ACOD1: variants seen among roughly 807,000 people sequenced by gnomAD.
ACOD1 encodes cis-aconitate decarboxylase.
ACOD1 carries 14 observed loss-of-function variants against 14.2 expected under a neutral mutation model. That is an observed-to-expected ratio of 0.99 (90% CI 0.65 to 1.54). ACOD1 has a LOEUF of 1.54. Among genes scored for constraint, ACOD1 ranks in the 40% most tolerant of loss-of-function variants. ACOD1 has a pLI of 0.00. For missense variants in ACOD1, 530 were observed against 586.3 expected (o/e 0.90, Z 0.99); for synonymous variants, 182 against 221.7 (o/e 0.82, Z 1.59).
In ACOD1 at chr13:76,955,937, C is replaced by A. The variant is rs545209379; in HGVS notation, c.470+413C>A. On this transcript the variant is annotated intron_variant, in intron 4 of 4. Coordinates refer to ENST00000377462, the MANE Select transcript of ACOD1 (RefSeq NM_001258406.2). ...CAAATGTCGGCCACATCATATGGCT[C>A]AGTCTCAGATTTATGTTGCCACTTG... 7.9e-5 allele frequency among the ~76,000 whole-genome samples: 12 copies of A among 152,170 alleles called. No homozygotes were observed. The South Asian group carries it at 2.5e-3, about 32-fold the overall frequency.
chr13:76,954,913 G>A (rs1326000438), intron 3 of ACOD1, among the ~76,000 whole-genome samples: 1 of 151,968 alleles, frequency 6.6e-6, no homozygotes, highest in Non-Finnish European at 1.5e-5. Flanking sequence ...CGGATAACGA[G>A]GTCAGGAGTT....
chr13:76,956,321 C>G (rs1388819263), intron 4 of ACOD1, among the ~76,000 whole-genome samples: 2 of 150,958 alleles, frequency 1.3e-5, no homozygotes, highest in African/African-American at 2.4e-5. Flanking sequence ...CCTGCCTCAG[C>G]CTCCCAAGTA....
intron 3 of ACOD1, 122 bp downstream of exon 3, chr13:76,953,811 A>T: frequency 1.5e-6 from 1 of 667,434 alleles, no homozygotes; most frequent in Admixed American, 2.2e-5. Context: ...AGTCAGACAG[A>T]TAAAGTGGCT....
intron 1 of ACOD1, among the ~76,000 whole-genome samples, chr13:76,948,952 G>GAACA (rs1317349320): frequency 5.9e-5 from 9 of 152,170 alleles, no homozygotes; most frequent in African/African-American, 1.9e-4. Context: ...TGAGAGCTTA[G>GAACA]AACAGTGCTG....
intron 1 of ACOD1, among the ~76,000 whole-genome samples, chr13:76,949,409 G>A (rs577878877): frequency 1.3e-5 from 2 of 152,262 alleles, no homozygotes; most frequent in African/African-American, 2.4e-5. Context: ...ATAGATGAAC[G>A]CAAGGACCAC....
intron 3 of ACOD1, 58 bp from the exon 4 acceptor site, chr13:76,955,261 C>A: frequency 7.4e-7 from 1 of 1,347,696 alleles, no homozygotes; most frequent in East Asian, 2.5e-5. Flanking sequence ...GGTCCAAAAG[C>A]CATTGCATTA....
At position 76,957,316 on chromosome 13, in the gene ACOD1, C is replaced by T. The variant is rs955093703; in HGVS notation, c.777C>T (p.Ser259=). 6 of 1,550,524 alleles carry T rather than the reference C, an allele frequency of 3.9e-6. No homozygotes were observed. In the Admixed American group the frequency reaches 1.2e-4, roughly 30 times the overall value. Reference sequence around the variant, plus strand: ...CAAAAGTCCTTCCAAGCATAGCTTCCTACAGTTGGCTGCTGGACCAGCAGG... The same window carrying T: ...CAAAAGTCCTTCCAAGCATAGCTTCTTACAGTTGGCTGCTGGACCAGCAGG... ...YSPKVLPSIA[S]YSWLLDQQDV... The change falls in exon 5 of 5, where the codon TCC becomes TCT. Residue 259 remains serine, a synonymous_variant. Transcript: ENST00000377462.
At chr13:76,954,394 T>A (rs1230085656) in intron 3 of ACOD1, among the ~76,000 whole-genome samples, 1 of 152,222 alleles carries the variant, frequency 6.6e-6, no homozygotes, top group Non-Finnish European at 1.5e-5. Context: ...AACTTCTGGA[T>A]ATTACTGTTT....
rs1010228326 is a variant in ACOD1, at chr13:76,956,566, G to A, written c.471-444G>A. 7.2e-5 allele frequency among the ~76,000 whole-genome samples: 11 copies of A among 151,858 alleles called. No individual in the cohort carries two copies. In the South Asian group the frequency reaches 1.9e-3, roughly 26 times the overall value. On this transcript the variant is annotated intron_variant, in intron 4 of 4. Coordinates refer to ENST00000377462, the MANE Select transcript of ACOD1 (RefSeq NM_001258406.2). ...CTCACTCTGTCACCTAGGCTGGAGT[G>A]CAGCAGCATGATCTCAGCTCACTGC... is the stretch of plus-strand genomic sequence containing the variant.
At chr13:76,951,646 A>G (rs943367636) in intron 1 of ACOD1, among the ~76,000 whole-genome samples, 1 of 152,138 alleles carries the variant, frequency 6.6e-6, no homozygotes, top group South Asian at 2.1e-4. Flanking sequence ...TTTTACTCTT[A>G]TGACACATCT....
chr13:76,955,578 A>G (rs2033867530), intron 4 of ACOD1, 54 bp downstream of exon 4: 9 of 1,453,954 alleles, frequency 6.2e-6, no homozygotes, highest in South Asian at 1.2e-5. Flanking sequence ...TCATCTATCA[A>G]TCATTATCTC....
At chr13:76,952,112 T>C (rs140191124) in intron 1 of ACOD1, among the ~76,000 whole-genome samples, 187 of 152,312 alleles carry the variant, frequency 1.2e-3, no homozygotes, top group African/African-American at 4.1e-3. Flanking sequence ...TGTCTCATAA[T>C]AGCAGCTGTG....
chr13:76,948,627 T>C (rs2033791921), intron 1 of ACOD1, 57 bp downstream of exon 1: 1 of 1,427,672 alleles, frequency 7.0e-7, no homozygotes, highest in Non-Finnish European at 9.6e-7. Flanking sequence ...ACTTCTTCCT[T>C]CCTCAATTTC....
At chr13:76,955,070 T>C (rs2033858918) in intron 3 of ACOD1, among the ~76,000 whole-genome samples, 1 of 135,638 alleles carries the variant, frequency 7.4e-6, no homozygotes, top group African/African-American at 2.9e-5. Flanking sequence ...GAGGTTGCAG[T>C]GAGCCAGGAT....
intron 1 of ACOD1, among the ~76,000 whole-genome samples, chr13:76,949,001 C>T (rs922716216): frequency 9.2e-5 from 14 of 152,170 alleles, no homozygotes; most frequent in Non-Finnish European, 1.9e-4. Context: ...CACAGTGGCT[C>T]AGGCCTGTAA....
chr13:76,957,483 A>G lies in ACOD1; in HGVS notation c.944A>G (p.Asn315Ser). 1.3e-6 allele frequency: 2 copies of G among 1,550,586 alleles called. No individual in the cohort carries two copies. Among genetic ancestry groups the G allele is most frequent in the African/African-American group, 2.7e-5 (2 of 73,150 alleles). Reference protein sequence around the residue: ...YIKRIVLRIPNVQYVNRPFPV... With the variant: ...YIKRIVLRIPSVQYVNRPFPV... ...AAGAGAATTGTGCTCAGGATACCAA[A>G]TGTCCAGTATGTAAACAGGCCCTTT... The change falls in exon 5 of 5, where the codon AAT becomes AGT. Residue 315 changes from asparagine (N) to serine (S), a missense_variant. By Grantham distance (46) the Asn-to-Ser change is conservative. Coordinates refer to ENST00000377462, the MANE Select transcript of ACOD1 (RefSeq NM_001258406.2).
chr13:76,955,175 TCA>T, intron 3 of ACOD1, 142 bp from the exon 4 acceptor site: 1 of 557,998 alleles, frequency 1.8e-6, no homozygotes, highest in Non-Finnish European at 3.1e-6. Flanking sequence ...CAGACATTTC[TCA>T]GATTTTCTTT....
Position 76,957,171 on chromosome 13 carries a change from T to C in ACOD1, c.632T>C (p.Ile211Thr), listed in dbSNP as rs2033885384. ...NAATQTKPLH[I>T]GNAAKHGIEA... ...GCCACCCAGACCAAGCCCCTCCACA[T>C]TGGCAATGCTGCCAAGCATGGGATA... is the stretch of plus-strand genomic sequence containing the variant. Residue 211 changes from isoleucine to threonine, a missense_variant, in exon 5 of 5, where the codon ATT becomes ACT. Ile to Thr is a moderately conservative substitution (Grantham distance 89). Coordinates refer to ENST00000377462, the MANE Select transcript of ACOD1 (RefSeq NM_001258406.2). 4 of 1,550,652 alleles carry C rather than the reference T, an allele frequency of 2.6e-6. No homozygotes were observed. The highest frequency in any genetic ancestry group is 2.0e-5 in the Admixed American group (1 of 51,012).
At chr13:76,955,126 C>CAAAAAAAAAAAAAAAA (rs34230053) in intron 3 of ACOD1, among the ~76,000 whole-genome samples, 193 bp from the exon 4 acceptor site, 2 of 98,872 alleles carry the variant, frequency 2.0e-5, no homozygotes, top group African/African-American at 4.8e-5. Context: ...GACTCTGTCT[C>CAAAAAAAAAAAAAAAA]AAAAAAAAAA....
Sources: gnomAD v4.1 joint callset for allele counts (sites outside exome capture counted in the v4.1 genomes callset) on GRCh38, gnomAD v4.1.1 for gene constraint, MANE v1.5 for transcripts, NCBI Gene and HGNC (gene_info 2026-07-23, HGNC 2026-07-21) for gene names.